The following PPP2R2C variants were observed in gnomAD, a reference collection of about 807,000 sequenced individuals.
PPP2R2C encodes protein phosphatase 2 regulatory subunit Bgamma, also known as protein phosphatase 2, regulatory subunit B, gamma.
A neutral mutation model predicts 45.3 loss-of-function variants in PPP2R2C; 10 were observed. The ratio of observed to expected loss-of-function variants is 0.22; its 90% CI spans 0.14 to 0.37. The LOEUF (loss-of-function observed/expected upper bound fraction) is 0.37. Among genes scored for constraint, PPP2R2C ranks in the 10% least tolerant of loss-of-function variants. PPP2R2C has a pLI of 1.00. For missense variants in PPP2R2C, 308 were observed against 619.7 expected, an observed-to-expected ratio of 0.50 and a Z score of 5.34; for synonymous variants, 257 against 245.4, an observed-to-expected ratio of 1.05 and a Z score of -0.44.
chr4:6,468,215 A>C (rs902321828), intron 1 of PPP2R2C, among the ~76,000 whole-genome samples: 1 of 152,164 alleles, frequency 6.6e-6, no homozygotes, highest in Non-Finnish European at 1.5e-5. Flanking sequence ...CAGAAAGTAG[A>C]TGGTATCCAG....
intron 2 of PPP2R2C, among the ~76,000 whole-genome samples, chr4:6,513,406 C>G (rs544417731): frequency 7.2e-5 from 11 of 152,094 alleles, no homozygotes; most frequent in African/African-American, 2.4e-4. Flanking sequence ...GGCAGAGAGA[C>G]AGTGTGTGTC....
In PPP2R2C at chr4:6,324,196, C is replaced by A. The variant is rs527906865; in HGVS notation, c.1053-603G>T. On this transcript the variant is annotated intron_variant, in intron 8 of 8. Coordinates refer to ENST00000382599, the MANE Select transcript of PPP2R2C (RefSeq NM_020416.4). The surrounding 1 kb of genome is among the most constrained non-coding windows in gnomAD (Gnocchi z 4.1). ...CCTGTAATCCCAGCACTTTGGGAAG[C>A]CAAGGCGGGCAGATCACCTGAGGTT... Among the ~76,000 whole-genome samples the A allele has an allele frequency of 2.0e-5, 3 of 152,230 alleles. No homozygotes were observed. The East Asian group carries it at 5.8e-4, about 29-fold the overall frequency.
intron 1 of PPP2R2C, among the ~76,000 whole-genome samples, chr4:6,434,792 TA>T (rs11322332): frequency 0.98 from 149,238 of 152,316 alleles, 73,174 homozygotes; most frequent in Middle Eastern, 1. Flanking sequence ...ATACGATAGA[TA>T]AAAAAACAGT....
intron 8 of PPP2R2C, among the ~76,000 whole-genome samples, chr4:6,326,400 C>T (rs1009016921): frequency 3.3e-5 from 5 of 152,136 alleles, no homozygotes; most frequent in Non-Finnish European, 7.3e-5. Flanking sequence ...GTTTGACTCC[C>T]GCACCCGAGC....
Position 6,413,187 on chromosome 4 carries a change from TCA to T in PPP2R2C, c.71-32095_71-32094del, listed in dbSNP as rs1577161000. ...AAATCACACGCTCTCACACTCACAT[TCA>T]CACACACGCCAATGTGCTCGGACAT... On this transcript the variant is annotated intron_variant, in intron 1 of 8. Transcript: ENST00000382599. 2.0e-5 allele frequency among the ~76,000 whole-genome samples: 3 copies of T among 151,334 alleles called. No individual in the cohort carries two copies. In the East Asian group the frequency reaches 5.9e-4, roughly 30 times the overall value.
At chr4:6,535,315 C>T (rs756238396) in exon 2 of PPP2R2C, 70 of 1,535,278 alleles carry the variant, frequency 4.6e-5, no homozygotes, top group South Asian at 7.1e-5. Context: ...GTCCGCCTCA[C>T]GCATCCTGAG....
At chr4:6,421,682 C>T (rs1318456118) in intron 1 of PPP2R2C, among the ~76,000 whole-genome samples, 1 of 149,252 alleles carries the variant, frequency 6.7e-6, no homozygotes, top group Non-Finnish European at 1.5e-5. Flanking sequence ...GGGCACGTGG[C>T]ATAGGACGGC....
chr4:6,400,652 T>G (rs1717356056), intron 1 of PPP2R2C, among the ~76,000 whole-genome samples: 2 of 152,240 alleles, frequency 1.3e-5, no homozygotes, highest in African/African-American at 2.4e-5. Flanking sequence ...CCTAAGTAAC[T>G]AAGGCGTCTA....
intron 1 of PPP2R2C, among the ~76,000 whole-genome samples, chr4:6,404,465 T>C (rs1717654751): frequency 6.6e-6 from 1 of 152,222 alleles, no homozygotes; most frequent in African/African-American, 2.4e-5. Flanking sequence ...ACTTTGCAGA[T>C]ACAAAGTGTG....
At chr4:6,444,417 A>G (rs1720312968) in intron 1 of PPP2R2C, among the ~76,000 whole-genome samples, 1 of 152,110 alleles carries the variant, frequency 6.6e-6, no homozygotes, top group East Asian at 1.9e-4. Flanking sequence ...TACTTGTCCC[A>G]TTTAACAGAT....
At chr4:6,358,715 C>T (rs1713460274) in intron 5 of PPP2R2C, among the ~76,000 whole-genome samples, 1 of 152,188 alleles carries the variant, frequency 6.6e-6, no homozygotes, top group Non-Finnish European at 1.5e-5. Flanking sequence ...CAAAAGAAGA[C>T]ATTTATGCAG....
At chr4:6,510,994 C>CAAAAAAAAAAAAA (rs200316130) in intron 2 of PPP2R2C, among the ~76,000 whole-genome samples, 20 of 33,160 alleles carry the variant, frequency 6.0e-4, no homozygotes, top group South Asian at 3.8e-3. Flanking sequence ...AAAAAACAAA[C>CAAAAAAAAAAAAA]AAACAAAAAA....
intron 1 of PPP2R2C, among the ~76,000 whole-genome samples, chr4:6,409,344 C>G (rs565339303): frequency 6.6e-6 from 1 of 152,318 alleles, no homozygotes; most frequent in South Asian, 2.1e-4. Context: ...GAGAGTGCAG[C>G]TGACTCCCAG....
chr4:6,387,580 C>A (rs929658041), intron 1 of PPP2R2C, among the ~76,000 whole-genome samples: 3 of 152,040 alleles, frequency 2.0e-5, no homozygotes, highest in Non-Finnish European at 2.9e-5. Flanking sequence ...GGAGTCCAAG[C>A]CGGGTGGATC....
chr4:6,347,919 G>A lies in PPP2R2C; in HGVS notation c.717C>T (p.Val239=), dbSNP rs769662338. The change falls in exon 6 of 9, where the codon GTC becomes GTT. Residue 239 remains valine, a synonymous_variant. Coordinates refer to ENST00000382599, the MANE Select transcript of PPP2R2C (RefSeq NM_020416.4). ...GCAGGGAGCCCTTGCTGCTGCTGTAGACGAAGAGGTTGCAGTGGTGCGGAT... is the reference window on the plus strand; with the variant it reads ...GCAGGGAGCCCTTGCTGCTGCTGTAAACGAAGAGGTTGCAGTGGTGCGGAT... The part of the protein sequence containing the change: ...EFHPHHCNLF[V]YSSSKGSLRL... The A allele has an allele frequency of 3.7e-6, 6 of 1,614,020 alleles. No individual in the cohort carries two copies. Among genetic ancestry groups the A allele is most frequent in the East Asian group, 4.5e-5 (2 of 44,830 alleles).
chr4:6,473,058 G>A (rs1276897100), upstream of PPP2R2C, among the ~76,000 whole-genome samples: 1 of 152,048 alleles, frequency 6.6e-6, no homozygotes, highest in Non-Finnish European at 1.5e-5. Context: ...GGTGGGTCGC[G>A]CAAGTTCTGG....
intron 2 of PPP2R2C, among the ~76,000 whole-genome samples, chr4:6,486,464 G>A (rs934087455): frequency 6.6e-5 from 10 of 152,020 alleles, no homozygotes; most frequent in African/African-American, 1.4e-4. Context: ...CAATTAGTAA[G>A]AGAAGGTTAT....
At chr4:6,397,427 G>T (rs954903787) in intron 1 of PPP2R2C, among the ~76,000 whole-genome samples, 14 of 152,226 alleles carry the variant, frequency 9.2e-5, no homozygotes, top group Non-Finnish European at 2.1e-4. Flanking sequence ...GCGCTGCGGG[G>T]GTCTCCCGGC....
intron 2 of PPP2R2C, among the ~76,000 whole-genome samples, chr4:6,508,850 A>G (rs1723329472): frequency 6.6e-6 from 1 of 152,178 alleles, no homozygotes; most frequent in Non-Finnish European, 1.5e-5. Context: ...TGGACAGCCC[A>G]CCCCAAAAAA....
Sources: allele counts gnomAD v4.1 joint callset (sites outside exome capture counted in the v4.1 genomes callset), GRCh38; gene constraint gnomAD v4.1.1; non-coding constraint Gnocchi (gnomAD v3.1); transcripts MANE v1.5; gene names NCBI Gene and HGNC (gene_info 2026-07-23, HGNC 2026-07-21).